The following DMXL2 variants were observed in gnomAD, a reference collection of about 807,000 sequenced individuals.
DMXL2 encodes dmX-like protein 2.
In DMXL2, 103 loss-of-function variants were observed where a neutral mutation model predicts 331.1. The ratio of observed to expected loss-of-function variants is 0.31; its 90% CI spans 0.27 to 0.37. The LOEUF (loss-of-function observed/expected upper bound fraction) is 0.37, where lower values mean the gene tolerates loss of function less well. Ranked by LOEUF, DMXL2 falls within the 10% of genes least tolerant of loss-of-function variation. DMXL2 has a pLI of 1.00. For missense variants in DMXL2, 3,171 were observed against 3,642.9 expected (o/e 0.87, Z 3.33); for synonymous variants, 1,281 against 1,252.1 (o/e 1.02, Z -0.49).
chr15:51,556,355 GAAA>G (rs59460472), intron 6 of DMXL2, among the ~76,000 whole-genome samples: 71 of 118,976 alleles, frequency 6.0e-4, no homozygotes, highest in Middle Eastern at 5.0e-3. Flanking sequence ...AAAAAAAAAA[GAAA>G]AAAAAAAAAA....
At chr15:51,531,445 G>A (rs2047998032) in intron 13 of DMXL2, among the ~76,000 whole-genome samples, 1 of 152,126 alleles carries the variant, frequency 6.6e-6, no homozygotes, top group Admixed American at 6.6e-5. Flanking sequence ...GATAACATTG[G>A]GGAAACTTTC....
rs368226659 is a variant in DMXL2 at position 51,474,470 on chromosome 15, T to A, written c.7087A>T (p.Thr2363Ser). The A allele has an allele frequency of 6.2e-7, 1 of 1,614,070 alleles. No individual in the cohort carries two copies. The highest frequency in any genetic ancestry group is 1.3e-5 in the African/African-American group (1 of 74,944). The change falls in exon 28 of 44, where the codon ACA (threonine) becomes TCA (serine). Residue 2363 changes from threonine to serine, a missense_variant. Around this residue, in one of 7 missense-constraint regions of DMXL2, gnomAD observed 766 missense variants for 940.5 expected, o/e 0.81. Coordinates refer to ENST00000560891, the MANE Select transcript of DMXL2 (RefSeq NM_001378457.1). ...YLSLLIHALA[T>S]NSSSELFRLA... ...CGAAATAATTCACTGGAGGAATTTG[T>A]GGCAAGAGCATGTATCAATAAACTT...
chr15:51,616,549 A>G (rs949045264), intron 1 of DMXL2, among the ~76,000 whole-genome samples: 3 of 152,216 alleles, frequency 2.0e-5, no homozygotes, highest in African/African-American at 7.2e-5. Context: ...GTTTCAGAGC[A>G]CTAACATAAT....
Position 51,587,001 on chromosome 15 carries a change from A to G in DMXL2, c.88-10820T>C, listed in dbSNP as rs567259030. ...AAATCTCTAAAAAAAAAAAAAATCA[A>G]TACTGTAAAAATCAGTCCCATGGCC... On this transcript the variant is annotated intron_variant, in intron 1 of 43. Coordinates refer to ENST00000560891, the MANE Select transcript of DMXL2 (RefSeq NM_001378457.1). Among the ~76,000 whole-genome samples the G allele has an allele frequency of 1.0e-3, 156 of 151,644 alleles. 1 individual carries two copies. The highest frequency in any genetic ancestry group is 1.9e-3 in the Non-Finnish European group (129 of 67,890).
intron 1 of DMXL2, among the ~76,000 whole-genome samples, chr15:51,608,822 C>A (rs1424444892): frequency 6.6e-6 from 1 of 151,842 alleles, no homozygotes; most frequent in Admixed American, 6.6e-5. Context: ...CAGATTGATA[C>A]CAAGGAAATT....
At chr15:51,485,488 G>A (rs934321465) in intron 23 of DMXL2, among the ~76,000 whole-genome samples, 2 of 152,194 alleles carry the variant, frequency 1.3e-5, no homozygotes, top group African/African-American at 4.8e-5. Flanking sequence ...TATGCCAAAT[G>A]CAACAAGAAC....
rs374900137 is a variant in DMXL2 at position 51,567,118 on chromosome 15, C to T, written c.285+1369G>A. 3 of 143,750 alleles carry T rather than the reference C, an allele frequency of 2.1e-5. No individual in the cohort carries two copies. The Admixed American group carries it at 2.3e-4, about 11-fold the overall frequency. The allele number at this position is 143,750 out of a possible 1,614,324, so 8.9% of individuals were successfully genotyped here. On this transcript the variant is annotated intron_variant, in intron 3 of 43. Transcript: ENST00000560891. ...AGTGCAATGGTGCAGTCCAGGATCA[C>T]TGCAACCTCCACCTCCTGGGTTCAA...
At chr15:51,600,274 A>C (rs2141307620) in intron 1 of DMXL2, among the ~76,000 whole-genome samples, 1 of 152,254 alleles carries the variant, frequency 6.6e-6, no homozygotes, top group Admixed American at 6.5e-5. Context: ...CCTCCTGGTT[A>C]TCACCTCCTT....
chr15:51,604,422 G>C (rs1293078744), intron 1 of DMXL2, among the ~76,000 whole-genome samples: 1 of 149,658 alleles, frequency 6.7e-6, no homozygotes, highest in Non-Finnish European at 1.5e-5. Context: ...AAGAAGCCTA[G>C]TGCTAATAAG....
chr15:51,537,819 T>C, intron 10 of DMXL2, 60 bp from the exon 11 acceptor site: 1 of 1,473,630 alleles, frequency 6.8e-7, no homozygotes, highest in South Asian at 1.4e-5. Flanking sequence ...CATACTAGAC[T>C]ATAAATAAAT....
chr15:51,534,494 T>C (rs964721375), intron 13 of DMXL2, among the ~76,000 whole-genome samples: 3 of 152,228 alleles, frequency 2.0e-5, no homozygotes, highest in African/African-American at 7.2e-5. Flanking sequence ...TATTCAAGGA[T>C]AGAATGAGCT....
chr15:51,492,746 C>G (rs2042899647), intron 19 of DMXL2, among the ~76,000 whole-genome samples: 1 of 152,196 alleles, frequency 6.6e-6, no homozygotes, highest in African/African-American at 2.4e-5. Flanking sequence ...AGAAGCCAAA[C>G]TAGTCCAAGT....
chr15:51,471,469 T>G, intron 28 of DMXL2, 68 bp from the exon 29 acceptor site: 2 of 1,418,456 alleles, frequency 1.4e-6, no homozygotes, highest in Non-Finnish European at 1.9e-6. Context: ...AGAGTTAAGC[T>G]TTCTTTTTAT....
At chr15:51,449,793 CAA>C (rs2038975296) in intron 43 of DMXL2, among the ~76,000 whole-genome samples, 1 of 152,162 alleles carries the variant, frequency 6.6e-6, no homozygotes, top group African/African-American at 2.4e-5. Flanking sequence ...CCACCACACA[CAA>C]GAGTACTGAG....
chr15:51,478,186 C>G, intron 26 of DMXL2, 85 bp downstream of exon 26: 1 of 1,079,550 alleles, frequency 9.3e-7, no homozygotes, highest in Non-Finnish European at 1.3e-6. Flanking sequence ...ATTTTTCAGT[C>G]CCTAGGAAAT....
chr15:51,609,822 G>A (rs921626779), intron 1 of DMXL2, among the ~76,000 whole-genome samples: 1 of 152,034 alleles, frequency 6.6e-6, no homozygotes, highest in African/African-American at 2.4e-5. Context: ...CCAGCTATTT[G>A]GGAGGTTGAG....
At chr15:51,474,002 T>C (rs1595933321) in intron 28 of DMXL2, among the ~76,000 whole-genome samples, 1 of 150,032 alleles carries the variant, frequency 6.7e-6, no homozygotes, top group African/African-American at 2.5e-5. Flanking sequence ...CCGTTTTGTT[T>C]TTGCTTTTTT....
chr15:51,549,484 T>C (rs1236081277), intron 6 of DMXL2, among the ~76,000 whole-genome samples: 3 of 152,180 alleles, frequency 2.0e-5, no homozygotes, highest in Non-Finnish European at 4.4e-5. Context: ...TACCCAGAAG[T>C]GGATAGCTGG....
At chr15:51,593,325 T>C (rs1419419397) in intron 1 of DMXL2, among the ~76,000 whole-genome samples, 3 of 152,166 alleles carry the variant, frequency 2.0e-5, no homozygotes, top group Non-Finnish European at 2.9e-5. Context: ...AGAAGGCCAT[T>C]ACATAATGGT....
Sources: gnomAD v4.1 joint callset for allele counts (sites outside exome capture counted in the v4.1 genomes callset) on GRCh38, gnomAD v4.1.1 for gene constraint, gnomAD v4.1.1 regional missense constraint, MANE v1.5 for transcripts, NCBI Gene and HGNC (gene_info 2026-07-23, HGNC 2026-07-21) for gene names.